WWOX: variants seen among roughly 807,000 people sequenced by gnomAD.
WWOX encodes WW domain containing oxidoreductase.
WWOX carries 69 observed loss-of-function variants against 46.2 expected under a neutral mutation model. That is an observed-to-expected ratio of 1.49 (90% CI 1.23 to 1.82). The LOEUF (loss-of-function observed/expected upper bound fraction) is 1.82, where lower values mean the gene tolerates loss of function less well. Ranked by LOEUF, WWOX falls within the 40% of genes most tolerant of loss-of-function variation. WWOX has a pLI of 0.00. For synonymous variants in WWOX, 359 were observed against 202.6 expected, an observed-to-expected ratio of 1.77 and a Z score of -6.56; for missense variants, 919 against 542.6, an observed-to-expected ratio of 1.69 and a Z score of -6.89.
At chr16:78,155,016 C>T (rs891797597) in intron 4 of WWOX, among the ~76,000 whole-genome samples, 4 of 152,174 alleles carry the variant, frequency 2.6e-5, no homozygotes, top group Non-Finnish European at 5.9e-5. Context: ...CCACCTCTAG[C>T]TGACAGTGGC....
At chr16:79,050,783 T>A (rs2048151953) in intron 8 of WWOX, among the ~76,000 whole-genome samples, 2 of 152,204 alleles carry the variant, frequency 1.3e-5, no homozygotes, top group East Asian at 3.8e-4. Flanking sequence ...GTCGAACCTG[T>A]TGAAGGCCCA....
intron 8 of WWOX, among the ~76,000 whole-genome samples, chr16:79,034,945 A>G (rs1407669950): frequency 6.6e-6 from 1 of 152,210 alleles, no homozygotes; most frequent in Non-Finnish European, 1.5e-5. Context: ...AGGATTATTG[A>G]AAGACAGTAA....
intron 8 of WWOX, among the ~76,000 whole-genome samples, chr16:78,744,365 T>C (rs2142427174): frequency 6.6e-6 from 1 of 151,976 alleles, no homozygotes; most frequent in South Asian, 2.1e-4. Flanking sequence ...TGCATGATCA[T>C]TATATGCAGA....
chr16:78,191,761 AG>A (rs1268411941), intron 5 of WWOX, among the ~76,000 whole-genome samples: 1 of 152,180 alleles, frequency 6.6e-6, no homozygotes, highest in East Asian at 1.9e-4. Context: ...GGCATTGCAG[AG>A]TGGGAGGCGC....
At chr16:78,255,146 C>G (rs111302058) in intron 5 of WWOX, among the ~76,000 whole-genome samples, 10 of 152,166 alleles carry the variant, frequency 6.6e-5, no homozygotes, top group African/African-American at 9.7e-5. Flanking sequence ...TTTTCTAGAC[C>G]ATTTAATGTT....
chr16:78,205,884 C>T (rs1244687138), intron 5 of WWOX, among the ~76,000 whole-genome samples: 1 of 151,524 alleles, frequency 6.6e-6, no homozygotes, highest in Non-Finnish European at 1.5e-5. Context: ...TCCCTTCCTC[C>T]CATCCTCCCT....
intron 5 of WWOX, among the ~76,000 whole-genome samples, chr16:78,363,667 C>T (rs1212841195): frequency 6.6e-6 from 1 of 152,136 alleles, no homozygotes; most frequent in East Asian, 1.9e-4. Context: ...TATACTTGAC[C>T]ACCACCATTC....
intron 8 of WWOX, among the ~76,000 whole-genome samples, chr16:79,052,111 C>T (rs1486229988): frequency 6.6e-6 from 1 of 151,202 alleles, no homozygotes; most frequent in Admixed American, 6.6e-5. Context: ...CATATGTATA[C>T]ATGTGCCATG....
At chr16:78,324,283 C>T (rs1261240518) in intron 5 of WWOX, among the ~76,000 whole-genome samples, 1 of 152,040 alleles carries the variant, frequency 6.6e-6, no homozygotes, top group Non-Finnish European at 1.5e-5. Context: ...AGTGAAAAGT[C>T]AGACAGCAGC....
intron 8 of WWOX, among the ~76,000 whole-genome samples, chr16:78,650,831 C>T (rs181227841): frequency 6.6e-6 from 1 of 152,276 alleles, no homozygotes; most frequent in East Asian, 1.9e-4. Context: ...TTTTGCCAGC[C>T]AGCCACGCTG....
At chr16:79,085,924 T>TGCGTGTAGTCCCAGCTACTC (rs2048846131) in intron 8 of WWOX, among the ~76,000 whole-genome samples, 1 of 152,068 alleles carries the variant, frequency 6.6e-6, no homozygotes, top group African/African-American at 2.4e-5. Flanking sequence ...TGGTGGTACA[T>TGCGTGTAGTCCCAGCTACTC]GCCTGTAGTC....
intron 8 of WWOX, among the ~76,000 whole-genome samples, chr16:79,082,334 TC>T (rs1475955283): frequency 1.3e-5 from 2 of 152,138 alleles, no homozygotes; most frequent in Non-Finnish European, 2.9e-5. Context: ...TCAGCGGAGT[TC>T]CAGAGCATCC....
At chr16:79,145,780 A>G (rs2050172857) in intron 8 of WWOX, among the ~76,000 whole-genome samples, 1 of 152,202 alleles carries the variant, frequency 6.6e-6, no homozygotes, top group Admixed American at 6.5e-5. Context: ...ATATATACAA[A>G]TTAGCTGGTA....
rs573698454 is a variant in WWOX at position 78,828,241 on chromosome 16, A to C, written c.1057-383367A>C. Among the ~76,000 whole-genome samples, 16 of 152,316 alleles carry C rather than the reference A, an allele frequency of 1.1e-4. No individual in the cohort carries two copies. The South Asian group carries it at 3.1e-3, about 30-fold the overall frequency. On this transcript the variant is annotated intron_variant, in intron 8 of 8. Coordinates refer to ENST00000566780, the MANE Select transcript of WWOX (RefSeq NM_016373.4). ...CTTCTGCTCCCTGTCACAGTGGCAA[A>C]GACAATGACAATAAAAGCACAGCCT... is the stretch of plus-strand genomic sequence containing the variant.
At chr16:78,812,703 G>C (rs562274990) in intron 8 of WWOX, among the ~76,000 whole-genome samples, 1 of 151,870 alleles carries the variant, frequency 6.6e-6, no homozygotes, top group Non-Finnish European at 1.5e-5. Context: ...TGCAGCCTGG[G>C]TGACAGAATG....
intron 8 of WWOX, among the ~76,000 whole-genome samples, chr16:78,442,339 C>A (rs547096844): frequency 6.6e-6 from 1 of 151,998 alleles, no homozygotes; most frequent in East Asian, 1.9e-4. Context: ...TTATTACTAT[C>A]GTTAACTGTA....
At position 78,549,627 on chromosome 16, in the gene WWOX, C is replaced by G. The variant is rs138823432; in HGVS notation, c.1056+116875C>G. On this transcript the variant is annotated intron_variant, in intron 8 of 8. Coordinates refer to ENST00000566780, the MANE Select transcript of WWOX (RefSeq NM_016373.4). The stretch of plus-strand genomic sequence containing the variant: ...GAAGAGCTCTTGTTAGGAGATTAGG[C>G]TGCTAATCTGCAAGCGAGCTAATGG... Among the ~76,000 whole-genome samples the G allele has an allele frequency of 2.9e-3, 443 of 152,256 alleles. 15 individuals are homozygous for G. The highest frequency in any genetic ancestry group is 0.025 in the Admixed American group (380 of 15,288).
intron 8 of WWOX, among the ~76,000 whole-genome samples, chr16:79,171,210 G>C (rs558384207): frequency 6.6e-6 from 1 of 152,126 alleles, no homozygotes; most frequent in African/African-American, 2.4e-5. Context: ...AGGGACACCC[G>C]GGGAAAATGT....
Position 78,107,270 on chromosome 16 carries a change from A to G in WWOX, c.108-1153A>G, listed in dbSNP as rs537854579. Among the ~76,000 whole-genome samples, 23 of 152,256 alleles carry G rather than the reference A, an allele frequency of 1.5e-4. No homozygotes were observed. The East Asian group carries it at 4.2e-3, about 28-fold the overall frequency. On this transcript the variant is annotated intron_variant, in intron 1 of 8. Transcript: ENST00000566780. ...AATTGTATGTTTTCCTGGATACCTTATTACCTGGTGACACGTGTTTCTAGT... is the reference window on the plus strand; with the variant it reads ...AATTGTATGTTTTCCTGGATACCTTGTTACCTGGTGACACGTGTTTCTAGT...
Sources: allele counts gnomAD v4.1 joint callset (sites outside exome capture counted in the v4.1 genomes callset), GRCh38; gene constraint gnomAD v4.1.1; transcripts MANE v1.5; gene names NCBI Gene and HGNC (gene_info 2026-07-23, HGNC 2026-07-21).